Variants in CCDC30 observed in about 807,000 individuals in gnomAD.
CCDC30 encodes the protein coiled-coil domain containing 30, also known as coiled-coil domain-containing protein 30.
Under a neutral mutation model 100.2 loss-of-function variants are expected in CCDC30, and 70 were observed. That is an observed-to-expected ratio of 0.70 (90% CI 0.58 to 0.85). The LOEUF (loss-of-function observed/expected upper bound fraction) is 0.85, where lower values mean the gene tolerates loss of function less well. Ranked by LOEUF, CCDC30 falls within the 40% of genes least tolerant of loss-of-function variation. The pLI is 0.00. For missense variants in CCDC30, 652 were observed against 771.2 expected, an observed-to-expected ratio of 0.85 and a Z score of 1.83; for synonymous variants, 233 against 269.5, an observed-to-expected ratio of 0.86 and a Z score of 1.33.
At chr1:42,637,519 T>C (rs1647184006) in intron 12 of CCDC30, 141 bp downstream of exon 16, 1 of 759,350 alleles carries the variant, frequency 1.3e-6, no homozygotes. Flanking sequence ...CATCTTTCAA[T>C]AAGTAATTCT....
chr1:42,556,445 C>T (rs775987115), intron 6 of CCDC30, 40 bp downstream of exon 10: 46 of 1,538,584 alleles, frequency 3.0e-5, no homozygotes, highest in Non-Finnish European at 3.9e-5. Flanking sequence ...GGTTCGTTTC[C>T]TCTGATTGGC....
At chr1:42,523,206 G>T (rs1644674695) in intron 6 of CCDC30, among the ~76,000 whole-genome samples, 1 of 152,140 alleles carries the variant, frequency 6.6e-6, no homozygotes, top group South Asian at 2.1e-4. Context: ...TTGGGTTGTT[G>T]TCTACTGTCC....
intron 15 of CCDC30, 84 bp from the exon 20 acceptor site, chr1:42,653,292 A>T: frequency 1.5e-6 from 1 of 682,204 alleles, no homozygotes; most frequent in Non-Finnish European, 2.5e-6. Flanking sequence ...TATTGTATCT[A>T]TTATATATAT....
intron 12 of CCDC30, among the ~76,000 whole-genome samples, chr1:42,641,429 G>A (rs1321600698): frequency 6.6e-6 from 1 of 151,940 alleles, no homozygotes; most frequent in African/African-American, 2.4e-5. Context: ...GTTCATGCCT[G>A]TAGTCCTAGC....
intron 11 of CCDC30, among the ~76,000 whole-genome samples, chr1:42,634,656 G>A (rs1557478306): frequency 6.6e-6 from 1 of 152,120 alleles, no homozygotes; most frequent in Non-Finnish European, 1.5e-5. Context: ...GCTTGAAATG[G>A]TAATTTAGAC....
chr1:42,598,061 G>C (rs1646327918), intron 10 of CCDC30, among the ~76,000 whole-genome samples: 1 of 150,110 alleles, frequency 6.7e-6, no homozygotes, highest in South Asian at 2.1e-4. Context: ...CCAACTACTT[G>C]GGAGGTTGAG....
At chr1:42,532,892 A>T (rs1644828555) in intron 6 of CCDC30, among the ~76,000 whole-genome samples, 1 of 152,180 alleles carries the variant, frequency 6.6e-6, no homozygotes, top group African/African-American at 2.4e-5. Context: ...CAGCCTCCCA[A>T]GTAGCTGGGA....
rs537642972 is a variant in CCDC30 at position 42,643,663 on chromosome 1, T to G, written c.1557-1030T>G. ...CAGTAAGTTTCTTCCAAGGAGTATT[T>G]CCTCATTTTACAAATAAGGAAACTG... On this transcript the variant is annotated intron_variant, in intron 13 of 16. Coordinates refer to ENST00000668663, the Ensembl canonical transcript of CCDC30. Among the ~76,000 whole-genome samples, 8 of 140,318 alleles carry G rather than the reference T, an allele frequency of 5.7e-5. No individual in the cohort carries two copies. The Admixed American group carries it at 5.7e-4, about 10-fold the overall frequency. 92.1% of individuals were successfully genotyped at this position (140,318 alleles called of 152,430 possible).
At chr1:42,619,139 C>T (rs1315764833) in intron 11 of CCDC30, among the ~76,000 whole-genome samples, 1 of 152,170 alleles carries the variant, frequency 6.6e-6, no homozygotes, top group African/African-American at 2.4e-5. Flanking sequence ...CCGGCATGCA[C>T]TGACAAGCAA....
At chr1:42,612,217 C>T (rs1226116481) in intron 11 of CCDC30, among the ~76,000 whole-genome samples, 1 of 152,146 alleles carries the variant, frequency 6.6e-6, no homozygotes, top group African/African-American at 2.4e-5. Flanking sequence ...TTGATATGCC[C>T]TTGCACTAAC....
intron 1 of CCDC30, among the ~76,000 whole-genome samples, chr1:42,470,303 A>C (rs79319357): frequency 7.2e-6 from 1 of 137,970 alleles, no homozygotes; most frequent in Non-Finnish European, 1.6e-5. Context: ...TTTTTTTTTT[A>C]AAGTAACCCA....
intron 12 of CCDC30, among the ~76,000 whole-genome samples, chr1:42,641,026 CAGG>C (rs1481119952): frequency 2.0e-5 from 3 of 151,554 alleles, no homozygotes; most frequent in Non-Finnish European, 2.9e-5. Flanking sequence ...GAGGCTGAAG[CAGG>C]AGGATAGTTC....
At chr1:42,623,370 C>A (rs1029336117) in intron 11 of CCDC30, among the ~76,000 whole-genome samples, 1 of 152,124 alleles carries the variant, frequency 6.6e-6, no homozygotes, top group Non-Finnish European at 1.5e-5. Context: ...ACTTTGAGGT[C>A]TTAGATTTAA....
intron 1 of CCDC30, 59 bp from the exon 2 acceptor site, chr1:42,480,402 A>C (rs1643939204): frequency 6.6e-6 from 1 of 152,316 alleles, no homozygotes; most frequent in African/African-American, 2.4e-5. Flanking sequence ...AAAATTTATC[A>C]TTCATTTTTA....
intron 6 of CCDC30, among the ~76,000 whole-genome samples, chr1:42,562,886 A>T (rs1472077488): frequency 6.6e-6 from 1 of 152,230 alleles, no homozygotes; most frequent in Non-Finnish European, 1.5e-5. Flanking sequence ...GAGAAATGCA[A>T]ATCAAAACCA....
intron 6 of CCDC30, among the ~76,000 whole-genome samples, chr1:42,561,109 A>G (rs954449090): frequency 1.3e-5 from 2 of 152,216 alleles, no homozygotes; most frequent in Admixed American, 1.3e-4. Flanking sequence ...CATTTTATTA[A>G]GCCAGCATCA....
At chr1:42,470,168 T>C (rs1003402874) in intron 1 of CCDC30, among the ~76,000 whole-genome samples, 2 of 152,140 alleles carry the variant, frequency 1.3e-5, no homozygotes, top group Admixed American at 1.3e-4. Flanking sequence ...GGCAAACAAG[T>C]GAAGCCAAAG....
chr1:42,593,415 C>T (rs1451778055), intron 10 of CCDC30: 4 of 152,264 alleles, frequency 2.6e-5, no homozygotes, highest in Admixed American at 2.0e-4. Context: ...TCACACCACC[C>T]TCCCAGGACC....
chr1:42,642,494 A>G (rs761732021), exon 13 of CCDC30: 37 of 1,594,120 alleles, frequency 2.3e-5, no homozygotes, highest in Non-Finnish European at 2.9e-5. Flanking sequence ...ACAGGACCAG[A>G]TCACTGCCCA....
Sources: allele counts gnomAD v4.1 joint callset (sites outside exome capture counted in the v4.1 genomes callset), GRCh38; gene constraint gnomAD v4.1.1; transcripts MANE v1.5; gene names NCBI Gene and HGNC (gene_info 2026-07-23, HGNC 2026-07-21).